FMO5: variants seen among roughly 807,000 people sequenced by gnomAD.
The protein encoded by FMO5 is flavin-containing monooxygenase 5.
Under a neutral mutation model 43.6 loss-of-function variants are expected in FMO5, and 51 were observed. The observed-to-expected ratio is 1.17, with a 90% CI of 0.93 to 1.48. The LOEUF is 1.48. Among genes scored for constraint, FMO5 ranks in the 40% most tolerant of loss-of-function variants. The probability of loss-of-function intolerance (pLI) is 0.00; values close to 1 mark genes in which losing one functional copy is unlikely to be tolerated. For missense variants in FMO5, 644 were observed against 643.0 expected (o/e 1.00, Z -0.02); for synonymous variants, 187 against 216.5 (o/e 0.86, Z 1.20).
chr1:147,220,785 T>C (rs1553926056), intron 2 of FMO5, among the ~76,000 whole-genome samples: 1 of 152,106 alleles, frequency 6.6e-6, no homozygotes, highest in East Asian at 1.9e-4. Context: ...CAATTTATCC[T>C]TGTAACAAAC....
At chr1:147,189,379 G>T (rs1656262586) in intron 8 of FMO5, among the ~76,000 whole-genome samples, 1 of 152,078 alleles carries the variant, frequency 6.6e-6, no homozygotes, top group African/African-American at 2.4e-5. Context: ...CAGAGGTTTG[G>T]CAGTGAAAGG....
In FMO5 at chr1:147,186,659, G is replaced by A. The variant is rs142076274; in HGVS notation, c.*241C>T. 7.2e-4 allele frequency: 926 copies of A among 1,278,548 alleles called. 13 individuals are homozygous for A. The African/African-American group carries it at 0.014, about 19-fold the overall frequency. The allele number at this position is 1,278,548 out of a possible 1,614,324, so 79.2% of individuals were successfully genotyped here. A position where few individuals can be genotyped will look rare whatever the true frequency, so the allele number is the denominator to read the frequency against. On this transcript the variant is annotated 3_prime_UTR_variant, in exon 9 of 9. Transcript: ENST00000254090. ...TACAAAGATGACTAAAAGAGTACCT[G>A]AGCTCCCAGTCTAGGGATTACCACA...
intron 7 of FMO5, among the ~76,000 whole-genome samples, chr1:147,196,812 C>T (rs1251553995): frequency 2.0e-5 from 3 of 151,988 alleles, no homozygotes; most frequent in Admixed American, 6.6e-5. Context: ...TCTTTTCTGT[C>T]TCTCTTCTCC....
chr1:147,222,229 G>C (rs1173118215), intron 2 of FMO5, among the ~76,000 whole-genome samples: 1 of 152,152 alleles, frequency 6.6e-6, no homozygotes, highest in Non-Finnish European at 1.5e-5. Flanking sequence ...AATTAGCAAG[G>C]CGTAGTAGTG....
Position 147,209,003 on chromosome 1 carries a change from C to G in FMO5, c.679G>C (p.Asp227His). 1 of 1,614,050 alleles carries G rather than the reference C, an allele frequency of 6.2e-7. No homozygotes were observed. The highest frequency in any genetic ancestry group is 8.5e-7 in the Non-Finnish European group (1 of 1,179,972). Residue 227 changes from aspartate to histidine, a missense_variant, in exon 6 of 9, where the codon GAC (aspartate) becomes CAC (histidine). Physicochemically the swap from Asp to His is moderately conservative, Grantham distance 81. Transcript: ENST00000254090. The part of the protein sequence containing the change: ...RGAWILNRVG[D>H]YGYPADVLFS... Reference sequence around the variant, plus strand: ...AACACATCAGCAGGATATCCGTAGTCCCCTACACGATTCAGGATCCAAGCC... The same window carrying G: ...AACACATCAGCAGGATATCCGTAGTGCCCTACACGATTCAGGATCCAAGCC...
rs1553923968 is a variant in FMO5, at chr1:147,212,558, T to C, written c.488-23A>G. 1.9e-6 allele frequency: 3 copies of C among 1,605,276 alleles called. No homozygotes were observed. The South Asian group carries it at 3.3e-5, about 18-fold the overall frequency. Reference sequence around the variant, plus strand: ...TTCCTGCAAGAGAAGGGAAAATAATTATTGGGTAATGGTTTACATGATAGA... The same window carrying C: ...TTCCTGCAAGAGAAGGGAAAATAATCATTGGGTAATGGTTTACATGATAGA... On this transcript the variant is annotated intron_variant, in intron 4 of 8. Coordinates refer to ENST00000254090, the MANE Select transcript of FMO5 (RefSeq NM_001461.4).
intron 6 of FMO5, among the ~76,000 whole-genome samples, chr1:147,202,817 G>A (rs1659267422): frequency 6.6e-6 from 1 of 151,998 alleles, no homozygotes; most frequent in African/African-American, 2.4e-5. Flanking sequence ...TTCACCAGCA[G>A]TACCACCATC....
intron 2 of FMO5, among the ~76,000 whole-genome samples, chr1:147,222,655 G>T (rs6704497): frequency 0.48 from 72,246 of 151,650 alleles, 17,898 homozygotes; most frequent in East Asian, 0.69. Flanking sequence ...TGGTCTGTTG[G>T]AACAGAAGTC....
intron 7 of FMO5, among the ~76,000 whole-genome samples, chr1:147,196,411 G>A (rs977303593): frequency 3.3e-5 from 5 of 151,766 alleles, no homozygotes; most frequent in Non-Finnish European, 5.9e-5. Context: ...ACAACCACAA[G>A]TTTTACTTCT....
At chr1:147,218,110 A>T (rs1269499665) in intron 2 of FMO5, among the ~76,000 whole-genome samples, 4 of 152,230 alleles carry the variant, frequency 2.6e-5, no homozygotes, top group African/African-American at 9.7e-5. Flanking sequence ...CCCAAGAAAA[A>T]TTTCAAAATA....
Position 147,191,485 on chromosome 1 carries a change from T to C in FMO5, c.1184-1236A>G, listed in dbSNP as rs148107141. Reference sequence around the variant, plus strand: ...TTTTTGGCTGCATAAATGTCTTCTTTTGAGAAGTGTCTGTTCATATCCTTT... The same window carrying C: ...TTTTTGGCTGCATAAATGTCTTCTTCTGAGAAGTGTCTGTTCATATCCTTT... On this transcript the variant is annotated intron_variant, in intron 7 of 8. Transcript: ENST00000254090. 5.8e-3 allele frequency among the ~76,000 whole-genome samples: 878 copies of C among 152,256 alleles called. 10 individuals carry two copies. The highest frequency in any genetic ancestry group is 0.019 in the African/African-American group (783 of 41,492).
chr1:147,224,898 G>A lies in FMO5; in HGVS notation c.132C>T (p.Phe44=), dbSNP rs1297008591. 7 of 1,613,838 alleles carry A rather than the reference G, an allele frequency of 4.3e-6. No individual in the cohort carries two copies. Among genetic ancestry groups the A allele is most frequent in the Admixed American group, 1.7e-5 (1 of 59,992 alleles). The change falls in exon 2 of 9, where the codon TTC becomes TTT. Residue 44 remains phenylalanine (F), a synonymous_variant. Coordinates refer to ENST00000254090, the MANE Select transcript of FMO5 (RefSeq NM_001461.4). ...RTDDIGGLWR[F]QENPEEGRAS... ...AGGGACTAGGAGATGTATGTACCTG[G>A]AACCTCCAGAGCCCTCCGATGTCAT...
intron 5 of FMO5, chr1:147,210,933 G>C (rs1660975833): frequency 6.6e-6 from 1 of 151,980 alleles, no homozygotes; most frequent in Non-Finnish European, 1.5e-5. Flanking sequence ...GCATCTACAA[G>C]AATTATACGA....
intron 6 of FMO5, among the ~76,000 whole-genome samples, chr1:147,202,782 A>G (rs1469667280): frequency 1.3e-5 from 2 of 152,194 alleles, no homozygotes; most frequent in East Asian, 1.9e-4. Flanking sequence ...TCATGATTTC[A>G]TCTTTTTCTC....
At chr1:147,208,385 CA>C (rs1484167873) in intron 6 of FMO5, 1 of 152,324 alleles carries the variant, frequency 6.6e-6, no homozygotes, top group African/African-American at 2.4e-5. Flanking sequence ...TCTGTGGGTA[CA>C]AGTTAGAAAT....
chr1:147,227,003 A>ATTT, upstream of FMO5, among the ~76,000 whole-genome samples: 3 of 151,864 alleles, frequency 2.0e-5, no homozygotes, highest in Non-Finnish European at 2.9e-5. Context: ...TAATTTTTGT[A>ATTT]TTTTTTGTAG....
chr1:147,187,130 T>TG lies in FMO5; in HGVS notation c.1371dup (p.Lys458GlnfsTer36). 2 of 1,614,070 alleles carry TG rather than the reference T, an allele frequency of 1.2e-6. No homozygotes were observed. The highest frequency in any genetic ancestry group is 8.5e-7 in the Non-Finnish European group (1 of 1,180,026). Reference sequence around the variant, plus strand: ...CCCAGTAATAAGTGTAATGCCAGCTTGGGGTCAGTGAAGGCCAGAGACAGC... The same window carrying TG: ...CCCAGTAATAAGTGTAATGCCAGCTTGGGGGTCAGTGAAGGCCAGAGACAGC... On this transcript the variant is annotated frameshift_variant, in exon 9 of 9. Transcript: ENST00000254090. LOFTEE classifies it low-confidence loss of function (END_TRUNC).
At position 147,199,277 on chromosome 1, in the gene FMO5, A is replaced by T. The variant is rs140918335; in HGVS notation, c.1183+1875T>A. ...CTAATCCAAAGGGTTTAAAATTGGCATAGTGAAGGGATAATTCAGGGAAGA... is the reference window on the plus strand; with the variant it reads ...CTAATCCAAAGGGTTTAAAATTGGCTTAGTGAAGGGATAATTCAGGGAAGA... On this transcript the variant is annotated intron_variant, in intron 7 of 8. Transcript: ENST00000254090. Among the ~76,000 whole-genome samples, 283 of 152,318 alleles carry T rather than the reference A, an allele frequency of 1.9e-3. 6 individuals carry two copies. In the East Asian group the frequency reaches 0.039, roughly 21 times the overall value.
intron 7 of FMO5, among the ~76,000 whole-genome samples, chr1:147,195,583 A>C (rs1339090224): frequency 4.6e-5 from 7 of 152,164 alleles, no homozygotes; most frequent in African/African-American, 1.7e-4. Flanking sequence ...AGATGCACAA[A>C]CAGTTCCAGT....
Sources: allele counts gnomAD v4.1 joint callset (sites outside exome capture counted in the v4.1 genomes callset), GRCh38; gene constraint gnomAD v4.1.1; transcripts MANE v1.5; gene names NCBI Gene and HGNC (gene_info 2026-07-23, HGNC 2026-07-21).